The following PRKD3 variants were observed in gnomAD, a reference collection of about 807,000 sequenced individuals.
PRKD3 encodes serine/threonine-protein kinase D3.
PRKD3 carries 47 observed loss-of-function variants against 99.2 expected under a neutral mutation model. That is an observed-to-expected ratio of 0.47 (90% confidence interval 0.38 to 0.60). The LOEUF is 0.60. Ranked by LOEUF, PRKD3 falls within the 20% of genes least tolerant of loss-of-function variation. The pLI is 0.00. For synonymous variants in PRKD3, 392 were observed against 355.4 expected, an observed-to-expected ratio of 1.10 and a Z score of -1.16; for missense variants, 1,019 against 1,088.4, an observed-to-expected ratio of 0.94 and a Z score of 0.90.
In PRKD3 at chr2:37,253,022, A is replaced by G; in HGVS notation, c.*155T>C. ...ATTATTCAGTTTCCCGCCTGTACCT[A>G]CTCATTATGAACTACAGTACTGGTG... On this transcript the variant is annotated 3_prime_UTR_variant, in exon 19 of 19. Transcript: ENST00000234179. The G allele has an allele frequency of 1.6e-6, 1 of 639,058 alleles. No individual in the cohort carries two copies. The highest frequency in any genetic ancestry group is 4.5e-5 in the South Asian group (1 of 22,350). The allele number at this position is 639,058 out of a possible 1,614,324, so 39.6% of individuals were successfully genotyped here.
chr2:37,254,838 C>G (rs542939648), intron 17 of PRKD3, among the ~76,000 whole-genome samples: 4 of 152,204 alleles, frequency 2.6e-5, no homozygotes, highest in Admixed American at 1.3e-4. Flanking sequence ...GCTTAACTAC[C>G]AAAAGTTTAC....
chr2:37,262,902 C>CTG (rs1553366978), intron 14 of PRKD3, among the ~76,000 whole-genome samples: 2 of 151,460 alleles, frequency 1.3e-5, no homozygotes, highest in Admixed American at 1.3e-4. Context: ...CCTTCCCCCC[C>CTG]CCGTATTTGT....
At position 37,319,587 on chromosome 2, in the gene PRKD3, A is replaced by C. The variant is rs1366686258; in HGVS notation, c.-655-2408T>G. On this transcript the variant is annotated intron_variant, in intron 1 of 18. Transcript: ENST00000234179. ...ATATGAGAGGTATTTATCAACGAAA[A>C]AGATTAATTCAAACTGCTAATATAA... Among the ~76,000 whole-genome samples, 15 of 152,194 alleles carry C rather than the reference A, an allele frequency of 9.9e-5. 1 individual carries two copies. Among genetic ancestry groups the C allele is most frequent in the Admixed American group, 9.8e-4 (15 of 15,284 alleles).
At chr2:37,298,492 TCA>T (rs1366797194) in intron 2 of PRKD3, among the ~76,000 whole-genome samples, 2 of 152,112 alleles carry the variant, frequency 1.3e-5, no homozygotes, top group Non-Finnish European at 2.9e-5. Context: ...TTACTTAACC[TCA>T]GTTTTTCCAT....
At chr2:37,287,288 A>G (rs925523495) in intron 5 of PRKD3, among the ~76,000 whole-genome samples, 4 of 148,674 alleles carry the variant, frequency 2.7e-5, no homozygotes, top group South Asian at 4.3e-4. Context: ...AAGAAAAAGA[A>G]AAATACCTGC....
chr2:37,290,055 T>C (rs1219078664), intron 4 of PRKD3, among the ~76,000 whole-genome samples: 2 of 152,202 alleles, frequency 1.3e-5, no homozygotes, highest in Non-Finnish European at 2.9e-5. Flanking sequence ...AGTTAAATCA[T>C]GACAGAGACC....
chr2:37,314,326 A>T (rs376422707), intron 2 of PRKD3, among the ~76,000 whole-genome samples: 1 of 152,330 alleles, frequency 6.6e-6, no homozygotes, highest in East Asian at 1.9e-4. Context: ...TGCTATGTCC[A>T]CAATCAATAA....
chr2:37,320,683 C>T (rs1046438564), intron 1 of PRKD3, among the ~76,000 whole-genome samples: 15 of 151,990 alleles, frequency 9.9e-5, no homozygotes, highest in Non-Finnish European at 1.6e-4. Flanking sequence ...CCGCCCATCT[C>T]GGCCTCCCAA....
In PRKD3 at chr2:37,251,453, C is replaced by A. The variant is rs1667484551; in HGVS notation, c.*1724G>T. 1 of 152,560 alleles carries A rather than the reference C, an allele frequency of 6.6e-6. No individual in the cohort carries two copies. The highest frequency in any genetic ancestry group is 1.5e-5 in the Non-Finnish European group (1 of 68,024). The allele number at this position is 152,560 out of a possible 1,614,324, so 9.5% of individuals were successfully genotyped here. A position where few individuals can be genotyped will look rare whatever the true frequency, so the allele number is the denominator to read the frequency against. On this transcript the variant is annotated 3_prime_UTR_variant, in exon 19 of 19. Transcript: ENST00000234179. The stretch of plus-strand genomic sequence containing the variant: ...AGATGAAGCTCATAATGACTTAACA[C>A]TATGGCTGCTGTGAGGGTAAACTAA...
In PRKD3 at chr2:37,279,935, A is replaced by G. The variant is rs1669768799; in HGVS notation, c.989-6T>C. 6.3e-7 allele frequency: 1 copy of G among 1,576,120 alleles called. No individual in the cohort carries two copies. Among genetic ancestry groups the G allele is most frequent in the South Asian group, 1.2e-5 (1 of 84,620 alleles). On this transcript the variant is annotated splice_region_variant and splice_polypyrimidine_tract_variant and intron_variant, in intron 7 of 18. Coordinates refer to ENST00000234179, the MANE Select transcript of PRKD3 (RefSeq NM_005813.6). ...TGTTCCCAGACTGGAAGGTTCTGGG[A>G]AAATTTTAAATGAATTTCAGAGTTT...
chr2:37,283,130 A>G (rs1669931982), intron 6 of PRKD3, among the ~76,000 whole-genome samples: 1 of 152,240 alleles, frequency 6.6e-6, no homozygotes, highest in African/African-American at 2.4e-5. Context: ...AACAAACCTC[A>G]GAGTTGATAG....
rs550500658 is a variant in PRKD3, at chr2:37,250,738, A to G, written c.*2439T>C. ...TGATAGGAAATACATTTTATTATCAAGCTTCCAGTATATTTACAAAAAGTT... is the reference window on the plus strand; with the variant it reads ...TGATAGGAAATACATTTTATTATCAGGCTTCCAGTATATTTACAAAAAGTT... On this transcript the variant is annotated 3_prime_UTR_variant, in exon 19 of 19. Transcript: ENST00000234179. 2 of 152,418 alleles carry G rather than the reference A, an allele frequency of 1.3e-5. No homozygotes were observed. The highest frequency in any genetic ancestry group is 4.1e-4 in the South Asian group (2 of 4,830). 9.4% of individuals were successfully genotyped at this position (152,418 alleles called of 1,614,324 possible). A position where few individuals can be genotyped will look rare whatever the true frequency, so the allele number is the denominator to read the frequency against.
At position 37,286,298 on chromosome 2, in the gene PRKD3, C is replaced by A. The variant is rs781376638; in HGVS notation, c.789G>T (p.Met263Ile). The change falls in exon 6 of 19, where the codon ATG becomes ATT. Residue 263 changes from methionine to isoleucine, a missense_variant. Met to Ile is a conservative substitution (Grantham distance 10, BLOSUM62 1). Transcript: ENST00000234179. ...GTGGAACTTTCACTCTGCACATTACCATCTTTTCCATCCAGATTGGGCGAC... is the reference window on the plus strand; with the variant it reads ...GTGGAACTTTCACTCTGCACATTACAATCTTTTCCATCCAGATTGGGCGAC... ...WSGRPIWMEKMVMCRVKVPHT... is the reference protein window; with the variant it reads ...WSGRPIWMEKIVMCRVKVPHT... 4.6e-5 allele frequency: 75 copies of A among 1,613,884 alleles called. No individual in the cohort carries two copies. The highest frequency in any genetic ancestry group is 6.0e-5 in the Non-Finnish European group (71 of 1,179,972).
chr2:37,253,778 T>G (rs956198448), intron 18 of PRKD3, among the ~76,000 whole-genome samples: 8 of 152,186 alleles, frequency 5.3e-5, no homozygotes, highest in Non-Finnish European at 1.2e-4. Context: ...CCCTATAAAA[T>G]AGTTCTAAAG....
intron 2 of PRKD3, among the ~76,000 whole-genome samples, chr2:37,302,738 GAC>G (rs1166158373): frequency 6.6e-6 from 1 of 150,440 alleles, no homozygotes; most frequent in Non-Finnish European, 1.5e-5. Context: ...TTTTTTTTTA[GAC>G]ACAGTCTCAC....
chr2:37,319,997 G>C (rs1671812248), intron 1 of PRKD3, among the ~76,000 whole-genome samples: 1 of 152,298 alleles, frequency 6.6e-6, no homozygotes, highest in East Asian at 1.9e-4. Flanking sequence ...ACAACACCTG[G>C]CTAACAGTAA....
chr2:37,318,869 G>C lies in PRKD3; in HGVS notation c.-655-1690C>G, dbSNP rs561604666. 2.6e-5 allele frequency among the ~76,000 whole-genome samples: 4 copies of C among 152,260 alleles called. No individual in the cohort carries two copies. The East Asian group carries it at 7.7e-4, about 29-fold the overall frequency. On this transcript the variant is annotated intron_variant, in intron 1 of 18. Coordinates refer to ENST00000234179, the MANE Select transcript of PRKD3 (RefSeq NM_005813.6). ...TGTAGAGCGGTTTCAAGTTCTGGCG[G>C]CTGGAGAAGCAGGAAAGCAAATTTC...
chr2:37,290,999 G>A lies in PRKD3; in HGVS notation c.428C>T (p.Ala143Val). Residue 143 changes from alanine (A) to valine (V), a missense_variant and splice_region_variant, in exon 4 of 19, where the codon GCT becomes GTT. Ala to Val is a moderately conservative substitution (Grantham distance 64). Transcript: ENST00000234179. ...CTGGAAGTCTTCTACTGTGGCTAAAGCTTTAAAAAAGAAAAGTATTACAAT... is the reference window on the plus strand; with the variant it reads ...CTGGAAGTCTTCTACTGTGGCTAAAACTTTAAAAAAGAAAAGTATTACAAT... Reference protein sequence around the residue: ...EGDLVEVVLSALATVEDFQIR... With the variant: ...EGDLVEVVLSVLATVEDFQIR... 1.3e-6 allele frequency: 2 copies of A among 1,598,452 alleles called. No individual in the cohort carries two copies. Among genetic ancestry groups the A allele is most frequent in the Non-Finnish European group, 1.7e-6 (2 of 1,173,978 alleles).
intron 3 of PRKD3, among the ~76,000 whole-genome samples, chr2:37,291,825 C>A (rs1253778659): frequency 6.6e-6 from 1 of 152,102 alleles, no homozygotes. Context: ...GGGCTCTGAC[C>A]CATGGCTGGC....
Sources: allele counts gnomAD v4.1 joint callset (sites outside exome capture counted in the v4.1 genomes callset), GRCh38; gene constraint gnomAD v4.1.1; transcripts MANE v1.5; gene names NCBI Gene and HGNC (gene_info 2026-07-23, HGNC 2026-07-21).